The following LHX5 variants were observed in gnomAD, a reference collection of about 807,000 sequenced individuals.
LHX5 encodes the protein LIM homeobox 5.
Under a neutral mutation model 30.6 loss-of-function variants are expected in LHX5, and 5 were observed. The ratio of observed to expected loss-of-function variants is 0.16; its 90% CI spans 0.09 to 0.34. The LOEUF is 0.34. LHX5 is among the 10% of genes least tolerant of loss of function. The pLI, the probability that LHX5 is intolerant of heterozygous loss-of-function variation, is 1.00. For missense variants in LHX5, 458 were observed against 570.6 expected (o/e 0.80, Z 2.01); for synonymous variants, 266 against 252.6 (o/e 1.05, Z -0.50).
rs1186390689 is a variant in LHX5 at position 113,463,172 on chromosome 12, G to A, written c.*18C>T. ...GCGGGGCCCCCGGGGGCCGAGCGCG[G>A]GGGGCGGCCCGGCGGCCTTACCACA... is the stretch of plus-strand genomic sequence containing the variant. On this transcript the variant is annotated 3_prime_UTR_variant, in exon 5 of 5. Transcript: ENST00000261731. This position sits in a 1 kb window ranked among gnomAD's most constrained non-coding sequence, Gnocchi z 6.7. 6.7e-7 allele frequency: 1 copy of A among 1,489,094 alleles called. No homozygotes were observed. Among genetic ancestry groups the A allele is most frequent in the Admixed American group, 2.3e-5 (1 of 42,686 alleles). 92.2% of individuals were successfully genotyped at this position (1,489,094 alleles called of 1,614,324 possible).
chr12:113,467,313 C>A lies in LHX5; in HGVS notation c.784G>T (p.Gly262Cys). The A allele has an allele frequency of 6.4e-7, 1 of 1,568,210 alleles. No homozygotes were observed. The highest frequency in any genetic ancestry group is 1.2e-5 in the South Asian group (1 of 85,618). Residue 262 changes from glycine (G) to cysteine (C), a missense_variant, in exon 4 of 5, where the codon GGC (glycine) becomes TGC (cysteine). Gly to Cys is a radical substitution (Grantham distance 159). Coordinates refer to ENST00000261731, the MANE Select transcript of LHX5 (RefSeq NM_022363.3). This position sits in a 1 kb window ranked among gnomAD's most constrained non-coding sequence, Gnocchi z 6.3. ...FRSPRRMRPL[G>C]GRLDESEMLG... ...ATCTCAGACTCGTCCAAGCGGCCGCCCAGCGGACGCATGCGCCGCGGACTC... is the reference window on the plus strand; with the variant it reads ...ATCTCAGACTCGTCCAAGCGGCCGCACAGCGGACGCATGCGCCGCGGACTC...
Position 113,464,091 on chromosome 12 carries a change from A to AGGGTCGCGGAG in LHX5, c.842-545_842-535dup, listed in dbSNP as rs1432357987. Among the ~76,000 whole-genome samples, 1 of 152,128 alleles carries AGGGTCGCGGAG rather than the reference A, an allele frequency of 6.6e-6. No homozygotes were observed. Among genetic ancestry groups the AGGGTCGCGGAG allele is most frequent in the Non-Finnish European group, 1.5e-5 (1 of 68,012 alleles). On this transcript the variant is annotated intron_variant, in intron 4 of 4. Coordinates refer to ENST00000261731, the MANE Select transcript of LHX5 (RefSeq NM_022363.3). The surrounding 1 kb of genome is among the most constrained non-coding windows in gnomAD (Gnocchi z 6.2). ...GAGACCCGAAAGCCCGAGACATCGG[A>AGGGTCGCGGAG]GGGTCGCGGAGGAGTCGAGGAGACG... is the stretch of plus-strand genomic sequence containing the variant.
chr12:113,464,514 C>A lies in LHX5; in HGVS notation c.842-957G>T, dbSNP rs1268369845. On this transcript the variant is annotated intron_variant, in intron 4 of 4. Transcript: ENST00000261731. This position sits in a 1 kb window ranked among gnomAD's most constrained non-coding sequence, Gnocchi z 6.2. ...CGCCAAGTACGGCCGCCGCGTCGATCCCGGTGAGACCATTTGTACCGGCCT... is the reference window on the plus strand; with the variant it reads ...CGCCAAGTACGGCCGCCGCGTCGATACCGGTGAGACCATTTGTACCGGCCT... Among the ~76,000 whole-genome samples the A allele has an allele frequency of 6.6e-6, 1 of 152,214 alleles. No individual in the cohort carries two copies. Among genetic ancestry groups the A allele is most frequent in the Non-Finnish European group, 1.5e-5 (1 of 68,034 alleles).
chr12:113,471,240 G>T, intron 1 of LHX5, 86 bp downstream of exon 1: 1 of 1,381,132 alleles, frequency 7.2e-7, no homozygotes, highest in South Asian at 1.3e-5. Context: ...AGGCTGGGAT[G>T]GGGATGGGGG....
intron 1 of LHX5, among the ~76,000 whole-genome samples, chr12:113,470,347 C>T (rs1283714971): frequency 2.0e-5 from 3 of 152,196 alleles, no homozygotes; most frequent in Non-Finnish European, 4.4e-5. Context: ...TATCCGGCAG[C>T]GTAATTGGCC....
In LHX5 at chr12:113,465,845, AGGGTTGGGGGTCTGTCCG is replaced by A. The variant is rs1471394888; in HGVS notation, c.841+1393_841+1410del. Among the ~76,000 whole-genome samples, 20 of 141,988 alleles carry A rather than the reference AGGGTTGGGGGTCTGTCCG, an allele frequency of 1.4e-4. No homozygotes were observed. The highest frequency in any genetic ancestry group is 6.7e-4 in the East Asian group (3 of 4,480). The allele number at this position is 141,988 out of a possible 152,430, so 93.1% of individuals were successfully genotyped here. On this transcript the variant is annotated intron_variant, in intron 4 of 4. Coordinates refer to ENST00000261731, the MANE Select transcript of LHX5 (RefSeq NM_022363.3). This position sits in a 1 kb window ranked among gnomAD's most constrained non-coding sequence, Gnocchi z 6.7. ...GACACGCCCACCATCCGGGCTCTCC[AGGGTTGGGGGTCTGTCCG>A]GGGTTGGGGGTCTGTCCAGGGTTGG...
In LHX5 at chr12:113,469,338, C is replaced by A; in HGVS notation, c.181G>T (p.Gly61Cys). The change falls in exon 2 of 5, where the codon GGC (glycine) becomes TGC (cysteine). Residue 61 changes from glycine (G) to cysteine (C), a missense_variant. By Grantham distance (159) the Gly-to-Cys change is radical (BLOSUM62 -3). Transcript: ENST00000261731. ...TGCGCGCAGCCGGCGCATTTCGTGC[C>A]AAAGCGCCTGTGGACACAATGTGCC... The part of the protein sequence containing the change: ...YCKNDFFRRF[G>C]TKCAGCAQGI... 1 of 1,612,246 alleles carries A rather than the reference C, an allele frequency of 6.2e-7. No homozygotes were observed. Among genetic ancestry groups the A allele is most frequent in the Non-Finnish European group, 8.5e-7 (1 of 1,179,762 alleles).
Position 113,467,266 on chromosome 12 carries a change from G to A in LHX5, c.831C>T (p.Thr277=). ...CGGGGCGCCCCTTACCTCCGTAGTA[G>A]GTGTACGGGGTGGACCCCAACATCT... ...ESEMLGSTPY[T]YYGDYQGDYY... The change falls in exon 4 of 5, where the codon ACC becomes ACT. Residue 277 remains threonine (T), a synonymous_variant. Coordinates refer to ENST00000261731, the MANE Select transcript of LHX5 (RefSeq NM_022363.3). The surrounding 1 kb of genome is among the most constrained non-coding windows in gnomAD (Gnocchi z 6.3). 6.8e-7 allele frequency: 1 copy of A among 1,479,146 alleles called. No homozygotes were observed. Among genetic ancestry groups the A allele is most frequent in the African/African-American group, 1.4e-5 (1 of 70,774 alleles). The allele number at this position is 1,479,146 out of a possible 1,614,324, so 91.6% of individuals were successfully genotyped here.
chr12:113,464,508 G>A lies in LHX5; in HGVS notation c.842-951C>T, dbSNP rs1240969169. Among the ~76,000 whole-genome samples, 1 of 152,320 alleles carries A rather than the reference G, an allele frequency of 6.6e-6. No individual in the cohort carries two copies. Among genetic ancestry groups the A allele is most frequent in the South Asian group, 2.1e-4 (1 of 4,826 alleles). On this transcript the variant is annotated intron_variant, in intron 4 of 4. Transcript: ENST00000261731. This position sits in a 1 kb window ranked among gnomAD's most constrained non-coding sequence, Gnocchi z 6.2. The stretch of plus-strand genomic sequence containing the variant: ...TCGCCTCGCCAAGTACGGCCGCCGC[G>A]TCGATCCCGGTGAGACCATTTGTAC...
At chr12:113,468,052 T>C in intron 3 of LHX5, 75 bp downstream of exon 3, 1 of 1,444,396 alleles carries the variant, frequency 6.9e-7, no homozygotes, top group Non-Finnish European at 9.1e-7. Flanking sequence ...CAAGGAAGCT[T>C]GGCGGGAGAC....
chr12:113,468,960 T>C (rs1414609140), intron 2 of LHX5, among the ~76,000 whole-genome samples, 162 bp downstream of exon 2: 2 of 152,144 alleles, frequency 1.3e-5, no homozygotes, highest in Admixed American at 6.5e-5. Flanking sequence ...CCACTTCTCT[T>C]CTCTAGCCTC....
At position 113,467,144 on chromosome 12, in the gene LHX5, C is replaced by A; in HGVS notation, c.841+112G>T. On this transcript the variant is annotated intron_variant, in intron 4 of 4. Transcript: ENST00000261731. The surrounding 1 kb of genome is among the most constrained non-coding windows in gnomAD (Gnocchi z 6.3). ...GTACATGTGTCTGTGATCGTGTGTC[C>A]AGCGAGTGGGCGATGTTCTGGAGCG... is the stretch of plus-strand genomic sequence containing the variant. The A allele has an allele frequency of 9.1e-7, 1 of 1,095,960 alleles. No homozygotes were observed. Among genetic ancestry groups the A allele is most frequent in the Non-Finnish European group, 1.2e-6 (1 of 815,606 alleles). The allele number at this position is 1,095,960 out of a possible 1,614,324, so 67.9% of individuals were successfully genotyped here.
At chr12:113,469,554 C>A (rs1441068854) in intron 1 of LHX5, among the ~76,000 whole-genome samples, 1 of 152,238 alleles carries the variant, frequency 6.6e-6, no homozygotes, top group East Asian at 1.9e-4. Flanking sequence ...CATGCCTCCA[C>A]TGGGGCTTTT....
Position 113,466,149 on chromosome 12 carries a change from A to AT in LHX5, c.841+1106dup, listed in dbSNP as rs1285267957. Among the ~76,000 whole-genome samples, 1 of 152,216 alleles carries AT rather than the reference A, an allele frequency of 6.6e-6. No homozygotes were observed. Among genetic ancestry groups the AT allele is most frequent in the East Asian group, 1.9e-4 (1 of 5,182 alleles). ...CCACTGAACCCACTTTCTAAGAGAA[A>AT]TTGCCTCTTCCTAACCTGCGTTACA... On this transcript the variant is annotated intron_variant, in intron 4 of 4. Transcript: ENST00000261731. This position sits in a 1 kb window ranked among gnomAD's most constrained non-coding sequence, Gnocchi z 6.5.
At chr12:113,471,021 G>C (rs1231487389) in intron 1 of LHX5, among the ~76,000 whole-genome samples, 2 of 152,248 alleles carry the variant, frequency 1.3e-5, no homozygotes, top group Non-Finnish European at 2.9e-5. Context: ...TGGGGTTGCA[G>C]CTGCTTGGAA....
intron 2 of LHX5, 99 bp from the exon 3 acceptor site, chr12:113,468,503 GC>G: frequency 7.1e-7 from 1 of 1,403,888 alleles, no homozygotes; most frequent in Non-Finnish European, 9.6e-7. Flanking sequence ...GCTACGGCCT[GC>G]CCAGGCTACG....
intron 2 of LHX5, among the ~76,000 whole-genome samples, chr12:113,468,607 T>C (rs1474139855): frequency 6.6e-6 from 1 of 152,206 alleles, no homozygotes; most frequent in Admixed American, 6.5e-5. Context: ...GCTGGGCCTT[T>C]GGAGGGGCGC....
chr12:113,468,722 C>A (rs2136978955), intron 2 of LHX5, among the ~76,000 whole-genome samples: 1 of 152,346 alleles, frequency 6.6e-6, no homozygotes, highest in Admixed American at 6.5e-5. Flanking sequence ...AAGGAGGGCA[C>A]AGATTCCCTT....
At position 113,464,635 on chromosome 12, in the gene LHX5, G is replaced by C. The variant is rs1958201201; in HGVS notation, c.842-1078C>G. Among the ~76,000 whole-genome samples the C allele has an allele frequency of 6.6e-6, 1 of 152,190 alleles. No individual in the cohort carries two copies. Among genetic ancestry groups the C allele is most frequent in the Non-Finnish European group, 1.5e-5 (1 of 68,032 alleles). On this transcript the variant is annotated intron_variant, in intron 4 of 4. Transcript: ENST00000261731. The surrounding 1 kb of genome is among the most constrained non-coding windows in gnomAD (Gnocchi z 6.2). Reference sequence around the variant, plus strand: ...CTGGGTCATGGCCAGAGCTCCGCGGGCTCCTTGGGGTAGAAGCTCGGTCCT... The same window carrying C: ...CTGGGTCATGGCCAGAGCTCCGCGGCCTCCTTGGGGTAGAAGCTCGGTCCT...
Sources: allele counts gnomAD v4.1 joint callset (sites outside exome capture counted in the v4.1 genomes callset), GRCh38; gene constraint gnomAD v4.1.1; non-coding constraint Gnocchi (gnomAD v3.1); transcripts MANE v1.5; gene names NCBI Gene and HGNC (gene_info 2026-07-23, HGNC 2026-07-21).